The following DNAJC1 variants were observed in gnomAD, a reference collection of about 807,000 sequenced individuals.
DNAJC1 encodes the protein DnaJ heat shock protein family (Hsp40) member C1.
A neutral mutation model predicts 76.6 loss-of-function variants in DNAJC1; 58 were observed. The ratio of observed to expected loss-of-function variants is 0.76; its 90% CI spans 0.61 to 0.94. The LOEUF (loss-of-function observed/expected upper bound fraction) is 0.94, where lower values mean the gene tolerates loss of function less well. Ranked by LOEUF, DNAJC1 falls within the 40% of genes least tolerant of loss-of-function variation. The pLI, the probability that DNAJC1 is intolerant of heterozygous loss-of-function variation, is 0.00. For missense variants in DNAJC1, 689 were observed against 677.3 expected (o/e 1.02, Z -0.19); for synonymous variants, 258 against 267.9 (o/e 0.96, Z 0.36).
At chr10:21,950,233 G>A (rs1837569692) in intron 1 of DNAJC1, among the ~76,000 whole-genome samples, 1 of 151,940 alleles carries the variant, frequency 6.6e-6, no homozygotes, top group Non-Finnish European at 1.5e-5. Context: ...TTCCCTTCCT[G>A]TTTCTGTATC....
At chr10:21,938,264 T>C (rs1383870341) in intron 1 of DNAJC1, among the ~76,000 whole-genome samples, 7 of 151,410 alleles carry the variant, frequency 4.6e-5, no homozygotes, top group Non-Finnish European at 5.9e-5. Flanking sequence ...AGGATACGAA[T>C]GAAAACGAAA....
At chr10:21,819,845 G>C (rs1481989920) in intron 8 of DNAJC1, among the ~76,000 whole-genome samples, 1 of 151,550 alleles carries the variant, frequency 6.6e-6, no homozygotes, top group Admixed American at 6.6e-5. Context: ...CAAGAGAATC[G>C]CTTGAGCCCA....
Position 21,873,539 on chromosome 10 carries a change from A to G in DNAJC1, c.978+8743T>C, listed in dbSNP as rs375109812. On this transcript the variant is annotated intron_variant, in intron 8 of 11. Transcript: ENST00000376980. The stretch of plus-strand genomic sequence containing the variant: ...AAAACTATCCTTCAAAATGAAGGAT[A>G]AATCAAGATATTCTCAGTAAAATAA... 2.6e-5 allele frequency among the ~76,000 whole-genome samples: 4 copies of G among 152,352 alleles called. No individual in the cohort carries two copies. The East Asian group carries it at 7.7e-4, about 29-fold the overall frequency.
chr10:21,800,644 C>T (rs1316345271), intron 9 of DNAJC1, among the ~76,000 whole-genome samples: 1 of 152,118 alleles, frequency 6.6e-6, no homozygotes, highest in African/African-American at 2.4e-5. Flanking sequence ...TGCTCATGTT[C>T]TAGAGCTATG....
At chr10:21,873,832 G>T (rs1305094713) in intron 8 of DNAJC1, among the ~76,000 whole-genome samples, 1 of 152,154 alleles carries the variant, frequency 6.6e-6, no homozygotes, top group Non-Finnish European at 1.5e-5. Flanking sequence ...AATATCTAAA[G>T]ATTTAATCTG....
intron 9 of DNAJC1, among the ~76,000 whole-genome samples, chr10:21,779,323 A>C (rs543632216): frequency 3.9e-5 from 6 of 152,326 alleles, no homozygotes; most frequent in African/African-American, 1.4e-4. Flanking sequence ...ACCCCCGAGT[A>C]GCCTGTCTGG....
At chr10:21,920,738 G>A (rs1837028552) in intron 4 of DNAJC1, 60 bp downstream of exon 4, 3 of 1,472,066 alleles carry the variant, frequency 2.0e-6, no homozygotes, top group South Asian at 1.4e-5. Flanking sequence ...AAAAATAAAT[G>A]TCCAAAATTC....
At chr10:21,947,313 T>G (rs1408515288) in intron 1 of DNAJC1, among the ~76,000 whole-genome samples, 1 of 152,048 alleles carries the variant, frequency 6.6e-6, no homozygotes, top group Non-Finnish European at 1.5e-5. Flanking sequence ...CCACTTATAT[T>G]CAGATTTTTT....
At chr10:21,942,524 C>T (rs942107031) in intron 1 of DNAJC1, among the ~76,000 whole-genome samples, 1 of 151,730 alleles carries the variant, frequency 6.6e-6, no homozygotes, top group Admixed American at 6.6e-5. Flanking sequence ...TAAATATAAG[C>T]GGCCGGGCGC....
intron 9 of DNAJC1, among the ~76,000 whole-genome samples, chr10:21,780,782 T>A (rs1386518750): frequency 1.3e-5 from 2 of 152,168 alleles, no homozygotes; most frequent in Admixed American, 6.5e-5. Flanking sequence ...AATGCTCCAA[T>A]TAAAAGACAC....
At chr10:21,795,093 AC>A (rs1378634373) in intron 9 of DNAJC1, among the ~76,000 whole-genome samples, 2 of 151,870 alleles carry the variant, frequency 1.3e-5, no homozygotes, top group African/African-American at 4.8e-5. Flanking sequence ...TATATAAAGA[AC>A]TCTTATGACA....
chr10:21,897,895 A>T (rs1041421687), intron 7 of DNAJC1, among the ~76,000 whole-genome samples: 4 of 152,260 alleles, frequency 2.6e-5, no homozygotes, highest in African/African-American at 7.2e-5. Flanking sequence ...GGAAAAGGAA[A>T]TAAAATGCAT....
At chr10:21,905,983 T>G (rs1836738558) in intron 6 of DNAJC1, among the ~76,000 whole-genome samples, 1 of 152,112 alleles carries the variant, frequency 6.6e-6, no homozygotes, top group African/African-American at 2.4e-5. Flanking sequence ...ACATAAATAC[T>G]TAAACCCTAG....
intron 1 of DNAJC1, among the ~76,000 whole-genome samples, chr10:21,948,215 C>T (rs1044362168): frequency 1.9e-4 from 29 of 151,990 alleles, no homozygotes; most frequent in African/African-American, 6.8e-4. Flanking sequence ...CTCAGCCTCC[C>T]AAGTAGCTGG....
chr10:21,800,041 C>T (rs879410276), intron 9 of DNAJC1, among the ~76,000 whole-genome samples: 21 of 152,106 alleles, frequency 1.4e-4, no homozygotes, highest in African/African-American at 3.9e-4. Flanking sequence ...TTCCATGTCT[C>T]CTCCTTGATT....
At chr10:21,928,426 T>C in intron 3 of DNAJC1, 80 bp downstream of exon 3, 1 of 1,219,090 alleles carries the variant, frequency 8.2e-7, no homozygotes, top group Non-Finnish European at 1.2e-6. Context: ...AATAATAAAA[T>C]GTTTAAGAAG....
At chr10:21,948,019 T>A (rs1031255716) in intron 1 of DNAJC1, among the ~76,000 whole-genome samples, 1 of 152,000 alleles carries the variant, frequency 6.6e-6, no homozygotes, top group African/African-American at 2.4e-5. Context: ...ACCTCTCTAA[T>A]GTCATGATTC....
At chr10:21,953,821 TAAA>T (rs779370823) in intron 1 of DNAJC1, among the ~76,000 whole-genome samples, 2 of 84,948 alleles carry the variant, frequency 2.4e-5, no homozygotes, top group East Asian at 3.2e-4. Flanking sequence ...AACTGAACTT[TAAA>T]AAAAAAAAAA....
At chr10:21,786,459 TATATAG>T (rs1278559719) in intron 9 of DNAJC1, among the ~76,000 whole-genome samples, 97 of 37,670 alleles carry the variant, frequency 2.6e-3, no homozygotes, top group African/African-American at 3.4e-3. Context: ...TATATATATA[TATATAG>T]AGAGAGAGAG....
Sources: allele counts gnomAD v4.1 joint callset (sites outside exome capture counted in the v4.1 genomes callset), GRCh38; gene constraint gnomAD v4.1.1; transcripts MANE v1.5; gene names NCBI Gene and HGNC (gene_info 2026-07-23, HGNC 2026-07-21).